The following TRIP10 variants were observed in gnomAD, a reference collection of about 807,000 sequenced individuals.
TRIP10 encodes thyroid hormone receptor interactor 10.
TRIP10 carries 54 observed loss-of-function variants against 80.9 expected under a neutral mutation model. The observed-to-expected ratio is 0.67, with a 90% CI of 0.54 to 0.84. TRIP10 has a LOEUF of 0.84. TRIP10 is among the 40% of genes least tolerant of loss of function. TRIP10 has a pLI of 0.00. For missense variants in TRIP10, 773 were observed against 815.3 expected, an observed-to-expected ratio of 0.95 and a Z score of 0.63; for synonymous variants, 321 against 307.2, an observed-to-expected ratio of 1.04 and a Z score of -0.47.
Position 6,750,650 on chromosome 19 carries a change from TG to T in TRIP10, c.1657+20del, listed in dbSNP as rs1969264746. ...ACTTTGAAGGTGAGAACGGCCAGAG[TG>T]GGCTTGGCGGGGTATGGGAGGCAGT... On this transcript the variant is annotated intron_variant, in intron 14 of 14. Transcript: ENST00000313244. 6.2e-7 allele frequency: 1 copy of T among 1,613,388 alleles called. No individual in the cohort carries two copies. The highest frequency in any genetic ancestry group is 1.1e-5 in the South Asian group (1 of 90,996).
chr19:6,739,959 C>T (rs1968858372), intron 1 of TRIP10, among the ~76,000 whole-genome samples, 174 bp downstream of exon 1: 1 of 152,178 alleles, frequency 6.6e-6, no homozygotes, highest in African/African-American at 2.4e-5. Flanking sequence ...TCAGCACGCT[C>T]AGGGGCGAAG....
In TRIP10 at chr19:6,751,070, C is replaced by T. The variant is rs764898187; in HGVS notation, c.1665C>T (p.Ser555=). Residue 555 remains serine, a synonymous_variant, in exon 15 of 15, where the codon AGC becomes AGT. Coordinates refer to ENST00000313244, the MANE Select transcript of TRIP10 (RefSeq NM_001288962.2). ...CVAIYHFEGS[S]EGTISMAEGE... ...CCCCCACCCCCATCACAGGGTCCAGCGAGGGCACTATCTCTATGGCCGAGG... is the reference window on the plus strand; with the variant it reads ...CCCCCACCCCCATCACAGGGTCCAGTGAGGGCACTATCTCTATGGCCGAGG... 8.3e-6 allele frequency: 13 copies of T among 1,574,734 alleles called. No individual in the cohort carries two copies. Among genetic ancestry groups the T allele is most frequent in the Non-Finnish European group, 1.1e-5 (13 of 1,156,288 alleles).
Position 6,750,015 on chromosome 19 carries a change from T to C in TRIP10, c.1344T>C (p.Ala448=), listed in dbSNP as rs764556110. ...CCGCCAGCTTGGAGCCCCAGATCGCTGAAACCCTGAGCAACATTGAACGGC... is the reference window on the plus strand; with the variant it reads ...CCGCCAGCTTGGAGCCCCAGATCGCCGAAACCCTGAGCAACATTGAACGGC... The part of the protein sequence containing the change: ...GDPASLEPQI[A]ETLSNIERLK... The change falls in exon 12 of 15, where the codon GCT becomes GCC. Residue 448 remains alanine, a synonymous_variant. Coordinates refer to ENST00000313244, the MANE Select transcript of TRIP10 (RefSeq NM_001288962.2). The C allele has an allele frequency of 3.1e-6, 5 of 1,612,392 alleles. No individual in the cohort carries two copies. The East Asian group carries it at 6.7e-5, about 22-fold the overall frequency.
intron 3 of TRIP10, 146 bp downstream of exon 3, chr19:6,741,427 T>C (rs1266120714): frequency 1.0e-5 from 10 of 985,838 alleles, no homozygotes; most frequent in Non-Finnish European, 1.5e-5. Context: ...TGCGGGATTA[T>C]CTGGCTTGGA....
intron 12 of TRIP10, 31 bp from the exon 13 acceptor site, chr19:6,750,261 C>T: frequency 6.2e-7 from 1 of 1,612,546 alleles, no homozygotes; most frequent in African/African-American, 1.3e-5. Flanking sequence ...GAGCTCTGCC[C>T]TGGAACGATT....
rs759823537 is a variant in TRIP10, at chr19:6,750,353, A to C, written c.1457A>C (p.His486Pro). 1.2e-6 allele frequency: 2 copies of C among 1,614,006 alleles called. No individual in the cohort carries two copies. ...AACCGGGGAGACAGCCTGAGCCGGC[A>C]CGCCCGGCCTCCCGACCCCCCCGCT... ...LSNRGDSLSR[H>P]ARPPDPPASA... The change falls in exon 13 of 15, where the codon CAC becomes CCC. Residue 486 changes from histidine to proline, a missense_variant. His to Pro is a moderately conservative substitution (Grantham distance 77). Transcript: ENST00000313244.
At position 6,745,647 on chromosome 19, in the gene TRIP10, GA is replaced by G. The variant is rs1298065904; in HGVS notation, c.985-379del. Reference sequence around the variant, plus strand: ...ATGCGTCTTCTAGACTGTCAGCCCAGAAAGCTAAGTGGACAGAGAGACATGG... The same window carrying G: ...ATGCGTCTTCTAGACTGTCAGCCCAGAAGCTAAGTGGACAGAGAGACATGG... On this transcript the variant is annotated intron_variant, in intron 9 of 14. Transcript: ENST00000313244. This position sits in a 1 kb window ranked among gnomAD's most constrained non-coding sequence, Gnocchi z 7.2. 5 of 985,132 alleles carry G rather than the reference GA, an allele frequency of 5.1e-6. No individual in the cohort carries two copies. The highest frequency in any genetic ancestry group is 6.0e-6 in the Non-Finnish European group (5 of 829,920). 61.0% of individuals were successfully genotyped at this position (985,132 alleles called of 1,614,324 possible). A position where few individuals can be genotyped will look rare whatever the true frequency, so the allele number is the denominator to read the frequency against.
Position 6,750,372 on chromosome 19 carries a change from C to G in TRIP10, c.1476C>G (p.Pro492=). 1 of 1,614,144 alleles carries G rather than the reference C, an allele frequency of 6.2e-7. No individual in the cohort carries two copies. The highest frequency in any genetic ancestry group is 1.7e-5 in the Admixed American group (1 of 60,022). ...SLSRHARPPD[P]PASAPPDSSS... Reference sequence around the variant, plus strand: ...GCCGGCACGCCCGGCCTCCCGACCCCCCCGCTAGCGCCCCGCCAGACAGCA... The same window carrying G: ...GCCGGCACGCCCGGCCTCCCGACCCGCCCGCTAGCGCCCCGCCAGACAGCA... The change falls in exon 13 of 15, where the codon CCC becomes CCG. Residue 492 remains proline (P), a synonymous_variant. Transcript: ENST00000313244.
intron 3 of TRIP10, among the ~76,000 whole-genome samples, chr19:6,742,751 C>T (rs187345522): frequency 1.5e-4 from 22 of 145,028 alleles, no homozygotes; most frequent in Non-Finnish European, 3.0e-4. Context: ...CGCTGCACTG[C>T]AGCCTGGGTG....
chr19:6,743,699 A>G lies in TRIP10; in HGVS notation c.514-9A>G, dbSNP rs762153862. On this transcript the variant is annotated splice_polypyrimidine_tract_variant and intron_variant, in intron 6 of 14. Transcript: ENST00000313244. Reference sequence around the variant, plus strand: ...ACCTGGCAGTACCTTCCACCTCTGCATTCTTCAGGCCAAGCAGCAAGCCCA... The same window carrying G: ...ACCTGGCAGTACCTTCCACCTCTGCGTTCTTCAGGCCAAGCAGCAAGCCCA... 28 of 1,613,808 alleles carry G rather than the reference A, an allele frequency of 1.7e-5. No individual in the cohort carries two copies. In the South Asian group the frequency reaches 3.1e-4, roughly 18 times the overall value.
chr19:6,745,132 G>A lies in TRIP10; in HGVS notation c.984+138G>A, dbSNP rs1459912473. On this transcript the variant is annotated intron_variant, in intron 9 of 14. Coordinates refer to ENST00000313244, the MANE Select transcript of TRIP10 (RefSeq NM_001288962.2). This position sits in a 1 kb window ranked among gnomAD's most constrained non-coding sequence, Gnocchi z 7.2. ...TTCCTCTTGGCTGCCAGCCCGGACT[G>A]GAGGGAAGGAAGGCGGCCGATTGGC... is the stretch of plus-strand genomic sequence containing the variant. 6 of 1,210,168 alleles carry A rather than the reference G, an allele frequency of 5.0e-6. No homozygotes were observed. The highest frequency in any genetic ancestry group is 5.5e-6 in the Non-Finnish European group (5 of 911,670). The allele number at this position is 1,210,168 out of a possible 1,614,324, so 75.0% of individuals were successfully genotyped here. A position where few individuals can be genotyped will look rare whatever the true frequency, so the allele number is the denominator to read the frequency against.
intron 11 of TRIP10, chr19:6,748,503 G>C (rs1969197455): frequency 6.6e-6 from 1 of 152,132 alleles, no homozygotes; most frequent in Non-Finnish European, 1.5e-5. Flanking sequence ...ATTAGAACTG[G>C]AATGAAGTTG....
chr19:6,750,087 G>A, intron 12 of TRIP10, 21 bp downstream of exon 12: 1 of 1,610,572 alleles, frequency 6.2e-7, no homozygotes, highest in Non-Finnish European at 8.5e-7. Context: ...ACCCTGGGGA[G>A]GGGCGGGAGC....
chr19:6,745,072 C>G lies in TRIP10; in HGVS notation c.984+78C>G. The stretch of plus-strand genomic sequence containing the variant: ...CAGTGGGGCCCCTATTGAGTCAGCC[C>G]CAGCCGCCTGAACGCCGAGTCTCGG... On this transcript the variant is annotated intron_variant, in intron 9 of 14. Coordinates refer to ENST00000313244, the MANE Select transcript of TRIP10 (RefSeq NM_001288962.2). This position sits in a 1 kb window ranked among gnomAD's most constrained non-coding sequence, Gnocchi z 7.2. 1 of 1,498,720 alleles carries G rather than the reference C, an allele frequency of 6.7e-7. No homozygotes were observed. The highest frequency in any genetic ancestry group is 8.9e-7 in the Non-Finnish European group (1 of 1,124,254). 92.8% of individuals were successfully genotyped at this position (1,498,720 alleles called of 1,614,324 possible). A position where few individuals can be genotyped will look rare whatever the true frequency, so the allele number is the denominator to read the frequency against.
At chr19:6,749,829 GA>G in intron 11 of TRIP10, 104 bp from the exon 12 acceptor site, 1 of 1,484,100 alleles carries the variant, frequency 6.7e-7, no homozygotes. Context: ...CCAGCCTGGG[GA>G]AAGAGTCAGA....
chr19:6,750,723 G>A (rs1969268760), intron 14 of TRIP10, 90 bp downstream of exon 14: 20 of 1,546,410 alleles, frequency 1.3e-5, no homozygotes, highest in Admixed American at 9.5e-5. Context: ...AGGGCTGGGC[G>A]GGTGGCTCAG....
intron 11 of TRIP10, among the ~76,000 whole-genome samples, chr19:6,747,838 C>T (rs1969183083): frequency 6.6e-6 from 1 of 151,530 alleles, no homozygotes; most frequent in Non-Finnish European, 1.5e-5. Flanking sequence ...AGCACAGTGG[C>T]TCATGCCTAT....
At position 6,742,779 on chromosome 19, in the gene TRIP10, C is replaced by CAAA. The variant is rs151261595; in HGVS notation, c.198-170_198-168dup. ...CCTGGGTGACAGCAAGACCCTGTCT[C>CAAA]AAAAAAAAAAAAAAAAAAAATCTAC... On this transcript the variant is annotated intron_variant, in intron 3 of 14. Transcript: ENST00000313244. Among the ~76,000 whole-genome samples, 26 of 121,724 alleles carry CAAA rather than the reference C, an allele frequency of 2.1e-4. No individual in the cohort carries two copies. The East Asian group carries it at 2.3e-3, about 11-fold the overall frequency. The allele number at this position is 121,724 out of a possible 152,430, so 79.9% of individuals were successfully genotyped here.
At chr19:6,747,324 CAAAAAG>C (rs1020909015) in intron 11 of TRIP10, among the ~76,000 whole-genome samples, 26 of 151,496 alleles carry the variant, frequency 1.7e-4, no homozygotes, top group Middle Eastern at 3.2e-3. Flanking sequence ...GACCCTGTCT[CAAAAAG>C]AAAAAAAGAA....
Sources: gnomAD v4.1 joint callset for allele counts (sites outside exome capture counted in the v4.1 genomes callset) on GRCh38, gnomAD v4.1.1 for gene constraint, Gnocchi (gnomAD v3.1) non-coding constraint, MANE v1.5 for transcripts, NCBI Gene and HGNC (gene_info 2026-07-23, HGNC 2026-07-21) for gene names.